The following GRIK2 variants were observed in gnomAD, a reference collection of about 807,000 sequenced individuals.
GRIK2 encodes the protein glutamate receptor ionotropic, kainate 2.
A neutral mutation model predicts 100.3 loss-of-function variants in GRIK2; 32 were observed. That is an observed-to-expected ratio of 0.32 (90% CI 0.24 to 0.43). GRIK2 has a LOEUF of 0.43. GRIK2 is among the 20% of genes least tolerant of loss of function. The pLI is 1.00. For synonymous variants in GRIK2, 417 were observed against 389.4 expected, an observed-to-expected ratio of 1.07 and a Z score of -0.83; for missense variants, 843 against 1,114.9, an observed-to-expected ratio of 0.76 and a Z score of 3.47.
intron 2 of GRIK2, among the ~76,000 whole-genome samples, chr6:101,535,525 A>G (rs2128286325): frequency 6.6e-6 from 1 of 151,836 alleles, no homozygotes; most frequent in Middle Eastern, 3.4e-3. Context: ...ATGGCTGATC[A>G]TTTTTTAATT....
intron 11 of GRIK2, among the ~76,000 whole-genome samples, chr6:101,884,651 G>A (rs904186529): frequency 2.0e-5 from 3 of 151,994 alleles, no homozygotes; most frequent in Non-Finnish European, 4.4e-5. Flanking sequence ...GAATTAATCT[G>A]TTCTATCTAG....
intron 11 of GRIK2, among the ~76,000 whole-genome samples, chr6:101,886,511 A>G (rs1407284390): frequency 1.3e-5 from 2 of 151,896 alleles, no homozygotes; most frequent in Non-Finnish European, 2.9e-5. Context: ...AATTTAATAT[A>G]TGACTATTCA....
At chr6:101,545,336 A>G (rs1233776746) in intron 2 of GRIK2, among the ~76,000 whole-genome samples, 1 of 152,150 alleles carries the variant, frequency 6.6e-6, no homozygotes, top group African/African-American at 2.4e-5. Flanking sequence ...AGTGCTTCTT[A>G]AACTTTGTCT....
chr6:101,702,130 C>T (rs2248984), intron 7 of GRIK2, among the ~76,000 whole-genome samples: 137,589 of 152,000 alleles, frequency 0.91, 62,317 homozygotes, highest in South Asian at 0.93. Flanking sequence ...TTACATAAAA[C>T]AGTTAAATAA....
chr6:101,816,426 A>G (rs1191018969), intron 9 of GRIK2, among the ~76,000 whole-genome samples: 1 of 152,212 alleles, frequency 6.6e-6, no homozygotes, highest in Non-Finnish European at 1.5e-5. Flanking sequence ...TCACGCCTGT[A>G]ATCCCAGCAC....
chr6:101,898,388 T>C (rs1041904626), intron 12 of GRIK2, among the ~76,000 whole-genome samples: 1 of 151,964 alleles, frequency 6.6e-6, no homozygotes, highest in African/African-American at 2.4e-5. Context: ...TTTAGAAACT[T>C]GGCAGTTTTT....
At chr6:102,030,425 T>C (rs1052415929) in intron 14 of GRIK2, among the ~76,000 whole-genome samples, 3 of 151,186 alleles carry the variant, frequency 2.0e-5, no homozygotes, top group Non-Finnish European at 4.4e-5. Flanking sequence ...TTTTTTTCTT[T>C]TTGGCACTTA....
At chr6:101,862,282 A>C (rs963097942) in intron 11 of GRIK2, among the ~76,000 whole-genome samples, 2 of 152,174 alleles carry the variant, frequency 1.3e-5, no homozygotes, top group African/African-American at 4.8e-5. Flanking sequence ...TTTTTAACTT[A>C]AAATACTCAT....
At chr6:102,021,325 T>C (rs945815092) in intron 14 of GRIK2, among the ~76,000 whole-genome samples, 10 of 151,618 alleles carry the variant, frequency 6.6e-5, no homozygotes, top group African/African-American at 2.4e-4. Flanking sequence ...GAATTTTTAT[T>C]TCATAGAAAA....
At chr6:101,592,503 T>C (rs986771401) in intron 2 of GRIK2, among the ~76,000 whole-genome samples, 7 of 149,442 alleles carry the variant, frequency 4.7e-5, no homozygotes, top group Non-Finnish European at 8.9e-5. Context: ...GAAGACCAGC[T>C]GACAACATTT....
chr6:101,457,517 T>G (rs543643186), intron 2 of GRIK2, among the ~76,000 whole-genome samples: 1 of 152,182 alleles, frequency 6.6e-6, no homozygotes, highest in Non-Finnish European at 1.5e-5. Context: ...TTTGTTCTGA[T>G]GGAATATTTA....
At chr6:101,439,698 C>T (rs941846333) in intron 2 of GRIK2, among the ~76,000 whole-genome samples, 19 of 151,910 alleles carry the variant, frequency 1.3e-4, no homozygotes, top group African/African-American at 4.1e-4. Flanking sequence ...AATGGAAATG[C>T]ATTGTAGTTG....
chr6:101,409,482 T>G (rs1366751306), intron 2 of GRIK2, among the ~76,000 whole-genome samples: 1 of 152,136 alleles, frequency 6.6e-6, no homozygotes, highest in African/African-American at 2.4e-5. Context: ...AATCAGAATT[T>G]AAAATAAATA....
At chr6:101,594,692 A>C (rs927111234) in intron 2 of GRIK2, among the ~76,000 whole-genome samples, 4 of 151,788 alleles carry the variant, frequency 2.6e-5, no homozygotes, top group Non-Finnish European at 5.9e-5. Context: ...TCTAAGTAAA[A>C]TTCAGTGGAG....
At chr6:101,448,889 A>G (rs980362015) in intron 2 of GRIK2, among the ~76,000 whole-genome samples, 2 of 151,660 alleles carry the variant, frequency 1.3e-5, no homozygotes, top group East Asian at 3.9e-4. Context: ...AACAATTATC[A>G]TACAAGAAAG....
intron 14 of GRIK2, among the ~76,000 whole-genome samples, chr6:101,968,745 G>A (rs1367469861): frequency 7.3e-6 from 1 of 136,462 alleles, no homozygotes; most frequent in Non-Finnish European, 1.7e-5. Flanking sequence ...CATCAAAAAT[G>A]TGTGTTCTCT....
chr6:101,857,938 T>C (rs1447950987), intron 10 of GRIK2, among the ~76,000 whole-genome samples: 1 of 152,164 alleles, frequency 6.6e-6, no homozygotes, highest in Non-Finnish European at 1.5e-5. Context: ...ATCCTCTTCC[T>C]GAAACACTCC....
chr6:101,705,887 AC>A (rs1295680251), intron 7 of GRIK2, among the ~76,000 whole-genome samples: 2 of 151,934 alleles, frequency 1.3e-5, no homozygotes, highest in African/African-American at 2.4e-5. Flanking sequence ...AAGAAGTGCA[AC>A]AATAAAAAAA....
chr6:101,643,488 T>G (rs1405046378), intron 4 of GRIK2, among the ~76,000 whole-genome samples: 2 of 151,756 alleles, frequency 1.3e-5, no homozygotes, highest in Non-Finnish European at 3.0e-5. Flanking sequence ...TCTTTTGTCA[T>G]TTATTGACCA....
Sources: gnomAD v4.1 joint callset for allele counts (sites outside exome capture counted in the v4.1 genomes callset) on GRCh38, gnomAD v4.1.1 for gene constraint, MANE v1.5 for transcripts, NCBI Gene and HGNC (gene_info 2026-07-23, HGNC 2026-07-21) for gene names.